RPH3A: variants seen among roughly 807,000 people sequenced by gnomAD.
RPH3A encodes rabphilin-3A.
Under a neutral mutation model 102.2 loss-of-function variants are expected in RPH3A, and 48 were observed. The ratio of observed to expected loss-of-function variants is 0.47; its 90% CI spans 0.37 to 0.60. The LOEUF (loss-of-function observed/expected upper bound fraction) is 0.60. Ranked by LOEUF, RPH3A falls within the 20% of genes least tolerant of loss-of-function variation. The pLI is 0.00. For synonymous variants in RPH3A, 310 were observed against 324.3 expected, an observed-to-expected ratio of 0.96 and a Z score of 0.47; for missense variants, 781 against 910.1, an observed-to-expected ratio of 0.86 and a Z score of 1.83.
intron 1 of RPH3A, among the ~76,000 whole-genome samples, chr12:112,772,727 T>C (rs1413201942): frequency 2.6e-5 from 4 of 151,972 alleles, no homozygotes; most frequent in Non-Finnish European, 4.4e-5. Flanking sequence ...ATTAATTAAT[T>C]ATTTAATTTA....
At chr12:112,680,773 C>T (rs1221146132) in intron 1 of RPH3A, among the ~76,000 whole-genome samples, 3 of 152,160 alleles carry the variant, frequency 2.0e-5, no homozygotes, top group African/African-American at 4.8e-5. Flanking sequence ...TTTTGCCTGT[C>T]TCCCACAACA....
At chr12:112,654,248 C>T (rs530641789) in intron 1 of RPH3A, among the ~76,000 whole-genome samples, 1 of 152,294 alleles carries the variant, frequency 6.6e-6, no homozygotes, top group South Asian at 2.1e-4. Context: ...ATGAACATTC[C>T]CCTCTATTAA....
At chr12:112,646,081 G>C (rs938568653) in intron 1 of RPH3A, among the ~76,000 whole-genome samples, 1 of 152,118 alleles carries the variant, frequency 6.6e-6, no homozygotes, top group Non-Finnish European at 1.5e-5. Context: ...TGGTGGGAGA[G>C]TTGCAGGTGC....
intron 1 of RPH3A, among the ~76,000 whole-genome samples, chr12:112,579,198 G>A (rs930175531): frequency 6.6e-6 from 1 of 152,112 alleles, no homozygotes; most frequent in African/African-American, 2.4e-5. Flanking sequence ...ATTTACCACT[G>A]TCAAATAGGT....
At chr12:112,836,733 ATT>A (rs1398815792) in intron 4 of RPH3A, among the ~76,000 whole-genome samples, 1 of 152,194 alleles carries the variant, frequency 6.6e-6, no homozygotes, top group East Asian at 1.9e-4. Context: ...GATGGAAGAT[ATT>A]TCTTAGCCCT....
chr12:112,609,603 C>A (rs574119528), intron 1 of RPH3A, among the ~76,000 whole-genome samples: 1 of 152,196 alleles, frequency 6.6e-6, no homozygotes, highest in Non-Finnish European at 1.5e-5. Context: ...GCTTCCCCTC[C>A]TCTGCTACCT....
chr12:112,736,909 C>T (rs777986836), intron 1 of RPH3A, among the ~76,000 whole-genome samples: 12 of 152,148 alleles, frequency 7.9e-5, no homozygotes, highest in Non-Finnish European at 1.6e-4. Context: ...AATCCCAGCA[C>T]TTTGGGAGGC....
chr12:112,714,773 A>T (rs566955002), intron 1 of RPH3A, among the ~76,000 whole-genome samples: 1 of 152,312 alleles, frequency 6.6e-6, no homozygotes, highest in Admixed American at 6.5e-5. Context: ...CAGGCTCTGC[A>T]GGAAAAGTAC....
At position 112,895,761 on chromosome 12, in the gene RPH3A, C is replaced by T. The variant is rs374481725; in HGVS notation, c.1858-16C>T. On this transcript the variant is annotated splice_polypyrimidine_tract_variant and intron_variant, in intron 20 of 21. Coordinates refer to ENST00000389385, the MANE Select transcript of RPH3A (RefSeq NM_001143854.2). ...CAGAGGGCTCTTACCCACATGTCTT[C>T]CTCTGTTGTATTCAGGAGTTTTTCT... 1.9e-6 allele frequency: 3 copies of T among 1,592,974 alleles called. No individual in the cohort carries two copies. The highest frequency in any genetic ancestry group is 1.7e-4 in the Middle Eastern group (1 of 6,048).
chr12:112,673,670 C>T (rs893374899), intron 1 of RPH3A, among the ~76,000 whole-genome samples: 13 of 152,132 alleles, frequency 8.5e-5, no homozygotes, highest in Admixed American at 6.5e-4. Context: ...AAGCATTTAT[C>T]CTTTGAGTTA....
At chr12:112,638,629 T>C (rs1176194782) in intron 1 of RPH3A, among the ~76,000 whole-genome samples, 1 of 152,218 alleles carries the variant, frequency 6.6e-6, no homozygotes, top group African/African-American at 2.4e-5. Context: ...GAGCCTTTAA[T>C]ATGTTAATGA....
At chr12:112,822,406 A>T (rs2136140898) in intron 2 of RPH3A, among the ~76,000 whole-genome samples, 1 of 152,350 alleles carries the variant, frequency 6.6e-6, no homozygotes, top group South Asian at 2.1e-4. Flanking sequence ...TGCCACAGCA[A>T]CTCAGAAACT....
chr12:112,713,017 C>CTTCTTCTTCTTCTTCT (rs1565857231), intron 1 of RPH3A, among the ~76,000 whole-genome samples: 2 of 60,702 alleles, frequency 3.3e-5, no homozygotes, highest in African/African-American at 1.9e-4. Flanking sequence ...CTTCCTCTTC[C>CTTCTTCTTCTTCTTCT]TCTTCCTCTT....
At chr12:112,672,620 C>T (rs758205486) in intron 1 of RPH3A, among the ~76,000 whole-genome samples, 1 of 152,214 alleles carries the variant, frequency 6.6e-6, no homozygotes, top group Non-Finnish European at 1.5e-5. Context: ...CTCACCTCTG[C>T]ACGCTGAAGG....
intron 1 of RPH3A, among the ~76,000 whole-genome samples, chr12:112,613,475 C>T (rs1421214380): frequency 6.6e-6 from 1 of 151,894 alleles, no homozygotes; most frequent in Non-Finnish European, 1.5e-5. Context: ...ATTCTGGAGC[C>T]CATGGATATG....
In RPH3A at chr12:112,760,819, C is replaced by T. The variant is rs559527525; in HGVS notation, c.-139-31324C>T. ...CATGGCAGCCATCGATAATCAGTCACGGCTCTCTGCATCCTTCTCAACACA... is the reference window on the plus strand; with the variant it reads ...CATGGCAGCCATCGATAATCAGTCATGGCTCTCTGCATCCTTCTCAACACA... On this transcript the variant is annotated intron_variant, in intron 1 of 21. Transcript: ENST00000543106. Among the ~76,000 whole-genome samples, 6 of 152,302 alleles carry T rather than the reference C, an allele frequency of 3.9e-5. No homozygotes were observed. In the East Asian group the frequency reaches 5.8e-4, roughly 15 times the overall value.
intron 1 of RPH3A, among the ~76,000 whole-genome samples, chr12:112,733,220 T>C (rs2040646141): frequency 6.6e-6 from 1 of 152,090 alleles, no homozygotes; most frequent in Non-Finnish European, 1.5e-5. Flanking sequence ...CCTGCACACA[T>C]ACCTGCATAT....
chr12:112,847,893 G>A (rs1410217078), intron 5 of RPH3A, 51 bp downstream of exon 5: 11 of 1,594,544 alleles, frequency 6.9e-6, no homozygotes, highest in Non-Finnish European at 9.4e-6. Flanking sequence ...GCAGGAGGGT[G>A]TGCTGGGCTG....
intron 1 of RPH3A, among the ~76,000 whole-genome samples, chr12:112,762,395 T>C (rs1372508712): frequency 6.6e-6 from 1 of 152,216 alleles, no homozygotes; most frequent in Admixed American, 6.5e-5. Flanking sequence ...ACTAATTTCC[T>C]ATTTCTTTTT....
Sources: gnomAD v4.1 joint callset for allele counts (sites outside exome capture counted in the v4.1 genomes callset) on GRCh38, gnomAD v4.1.1 for gene constraint, MANE v1.5 for transcripts, NCBI Gene and HGNC (gene_info 2026-07-23, HGNC 2026-07-21) for gene names.